Variants in EYS observed in about 807,000 individuals in gnomAD.
The protein encoded by EYS is protein eyes shut homolog.
In EYS, 250 loss-of-function variants were observed where a neutral mutation model predicts 282.1. That is an observed-to-expected ratio of 0.89 (90% confidence interval 0.80 to 0.98). The LOEUF is 0.98. EYS is among the 50% of genes least tolerant of loss of function. The pLI, the probability that EYS is intolerant of heterozygous loss-of-function variation, is 0.00. For synonymous variants in EYS, 1,355 were observed against 1,282.9 expected (o/e 1.06, Z -1.20); for missense variants, 4,016 against 3,709.0 (o/e 1.08, Z -2.15).
intron 22 of EYS, among the ~76,000 whole-genome samples, chr6:64,740,083 C>A (rs1772321051): frequency 6.6e-6 from 1 of 152,094 alleles, no homozygotes; most frequent in East Asian, 1.9e-4. Flanking sequence ...ATAAAACTTA[C>A]TGATTTCTTT....
At chr6:64,453,821 C>T (rs1421085157) in intron 26 of EYS, among the ~76,000 whole-genome samples, 4 of 151,934 alleles carry the variant, frequency 2.6e-5, no homozygotes, top group South Asian at 2.1e-4. Context: ...AACACATGGA[C>T]ACAGGAAGGG....
At chr6:63,890,021 C>T (rs1000707683) in intron 35 of EYS, among the ~76,000 whole-genome samples, 16 of 152,076 alleles carry the variant, frequency 1.1e-4, no homozygotes, top group East Asian at 9.6e-4. Context: ...AGACAAAGGG[C>T]ATTACATAAT....
Position 64,439,338 on chromosome 6 carries a change from G to A in EYS, c.5659C>T (p.Arg1887Cys), listed in dbSNP as rs748501500. 31 of 1,500,888 alleles carry A rather than the reference G, an allele frequency of 2.1e-5. No homozygotes were observed. Among genetic ancestry groups the A allele is most frequent in the South Asian group, 4.1e-5 (3 of 73,120 alleles). 93.0% of individuals were successfully genotyped at this position (1,500,888 alleles called of 1,614,324 possible). A position where few individuals can be genotyped will look rare whatever the true frequency, so the allele number is the denominator to read the frequency against. ...TCTAGATAAGAATCTCCATAATAAC[G>A]AACACAACTGAAATCTGTGGAGTCA... ...RLMISDFSCV[R>C]YYGDSYLEFQ... is the part of the protein sequence containing the mutation. Residue 1887 changes from arginine to cysteine, a missense_variant, in exon 27 of 43, where the codon CGT (arginine) becomes TGT (cysteine). Physicochemically the swap from Arg to Cys is radical, Grantham distance 180. Transcript: ENST00000503581.
chr6:64,228,392 G>C (rs578241340), intron 31 of EYS, among the ~76,000 whole-genome samples: 1 of 152,172 alleles, frequency 6.6e-6, no homozygotes, highest in South Asian at 2.1e-4. Context: ...ATAATATTAT[G>C]ATAATCTAAA....
chr6:64,344,353 TCCA>T (rs1010543959), intron 29 of EYS, among the ~76,000 whole-genome samples: 1 of 151,844 alleles, frequency 6.6e-6, no homozygotes, highest in Non-Finnish European at 1.5e-5. Flanking sequence ...AAAAAGCTTA[TCCA>T]CCATGATCAA....
chr6:64,725,922 C>T (rs570434008), intron 22 of EYS, among the ~76,000 whole-genome samples: 106 of 152,220 alleles, frequency 7.0e-4, no homozygotes, highest in African/African-American at 2.5e-3. Context: ...AGGTGGCCTT[C>T]TAATGCCTAC....
intron 13 of EYS, among the ~76,000 whole-genome samples, chr6:64,999,528 G>C (rs927349201): frequency 3.9e-5 from 6 of 152,162 alleles, no homozygotes; most frequent in Non-Finnish European, 5.9e-5. Flanking sequence ...ATGGATCTAC[G>C]TGAGGACGGC....
intron 12 of EYS, among the ~76,000 whole-genome samples, chr6:65,193,969 T>C (rs1765704193): frequency 6.6e-6 from 1 of 151,930 alleles, no homozygotes; most frequent in South Asian, 2.1e-4. Flanking sequence ...AAGGTTGGTT[T>C]GGGGAAAAAA....
At chr6:65,318,587 G>T (rs1380458836) in intron 11 of EYS, among the ~76,000 whole-genome samples, 3 of 144,780 alleles carry the variant, frequency 2.1e-5, no homozygotes, top group African/African-American at 7.6e-5. Flanking sequence ...CATATATTTT[G>T]TATATATAAT....
intron 35 of EYS, among the ~76,000 whole-genome samples, chr6:63,980,261 CAA>C: frequency 6.6e-6 from 1 of 151,434 alleles, no homozygotes; most frequent in Non-Finnish European, 1.5e-5. Context: ...TTAGAATGCT[CAA>C]GAGTGTGTGT....
chr6:64,789,663 T>G (rs548927875), intron 22 of EYS, among the ~76,000 whole-genome samples: 1 of 152,246 alleles, frequency 6.6e-6, no homozygotes, highest in African/African-American at 2.4e-5. Context: ...TCGAATTCTC[T>G]TTCTCCTTCC....
chr6:65,101,171 T>C (rs1044824454), intron 12 of EYS, among the ~76,000 whole-genome samples: 5 of 151,066 alleles, frequency 3.3e-5, no homozygotes, highest in East Asian at 1.9e-4. Context: ...GAGAACTTAA[T>C]AGCTTAATTT....
rs137935924 is a variant in EYS, at chr6:63,781,189, T to C, written c.7724-3009A>G. ...GTTTGAAGTCACGTAGCGTGATGCCTCCAGGTTTGTCCTTTTTGCTTAGGA... is the reference window on the plus strand; with the variant it reads ...GTTTGAAGTCACGTAGCGTGATGCCCCCAGGTTTGTCCTTTTTGCTTAGGA... On this transcript the variant is annotated intron_variant, in intron 39 of 42. Coordinates refer to ENST00000503581, the MANE Select transcript of EYS (RefSeq NM_001142800.2). Among the ~76,000 whole-genome samples the C allele has an allele frequency of 6.3e-3, 965 of 152,328 alleles. 9 individuals carry two copies. The highest frequency in any genetic ancestry group is 0.022 in the African/African-American group (902 of 41,570).
intron 22 of EYS, among the ~76,000 whole-genome samples, chr6:64,762,101 A>G (rs1343373918): frequency 3.3e-5 from 5 of 152,230 alleles, no homozygotes; most frequent in Non-Finnish European, 1.5e-5. Context: ...AGTGTTATAC[A>G]TGTTAATTAG....
intron 5 of EYS, among the ~76,000 whole-genome samples, chr6:65,442,790 AT>A (rs1011206391): frequency 5.4e-5 from 8 of 149,454 alleles, no homozygotes; most frequent in South Asian, 2.1e-4. Flanking sequence ...TTAAAAAAAA[AT>A]ATATAGACAC....
At chr6:63,872,510 C>T (rs1206770167) in intron 35 of EYS, among the ~76,000 whole-genome samples, 4 of 141,032 alleles carry the variant, frequency 2.8e-5, no homozygotes, top group African/African-American at 5.3e-5. Flanking sequence ...CCTAGTCTCG[C>T]TCTTGTCACC....
chr6:64,421,287 T>C (rs1715063684), intron 28 of EYS, among the ~76,000 whole-genome samples: 1 of 152,004 alleles, frequency 6.6e-6, no homozygotes, highest in Non-Finnish European at 1.5e-5. Context: ...CATGAGAACT[T>C]AATATCATAA....
At chr6:65,699,382 C>A (rs1225371337) in intron 1 of EYS, among the ~76,000 whole-genome samples, 1 of 151,398 alleles carries the variant, frequency 6.6e-6, no homozygotes, top group Non-Finnish European at 1.5e-5. Flanking sequence ...AAATATTTGT[C>A]AAATTTTGCT....
At chr6:65,653,708 G>C (rs543590290) in intron 1 of EYS, among the ~76,000 whole-genome samples, 1 of 151,854 alleles carries the variant, frequency 6.6e-6, no homozygotes, top group Non-Finnish European at 1.5e-5. Flanking sequence ...GTATCTCAAG[G>C]ACAGGCAAAT....
Sources: allele counts gnomAD v4.1 joint callset (sites outside exome capture counted in the v4.1 genomes callset), GRCh38; gene constraint gnomAD v4.1.1; transcripts MANE v1.5; gene names NCBI Gene and HGNC (gene_info 2026-07-23, HGNC 2026-07-21).